The following HRH2 variants were observed in gnomAD, a reference collection of about 807,000 sequenced individuals.
The protein encoded by HRH2 is histamine H2 receptor.
Under a neutral mutation model 20.1 loss-of-function variants are expected in HRH2, and 4 were observed. That is an observed-to-expected ratio of 0.20 (90% CI 0.10 to 0.45). The LOEUF (loss-of-function observed/expected upper bound fraction) is 0.45. Ranked by LOEUF, HRH2 falls within the 20% of genes least tolerant of loss-of-function variation. The pLI is 0.99. For synonymous variants in HRH2, 197 were observed against 200.7 expected (o/e 0.98, Z 0.16); for missense variants, 250 against 461.6 (o/e 0.54, Z 4.20).
chr5:175,659,288 G>A (rs563632632), intron 1 of HRH2, among the ~76,000 whole-genome samples: 2 of 152,260 alleles, frequency 1.3e-5, no homozygotes, highest in African/African-American at 4.8e-5. Flanking sequence ...ATTTATAAAA[G>A]GAAGTTAATA....
At position 175,688,127 on chromosome 5, in the gene HRH2, C is replaced by T. The variant is rs1220411916; in HGVS notation, c.1076+3818C>T. ...TGCTCTGCTGTAGTCAGCTCTCTCCCTCTACCTCCTTGTTAGAAAGACACT... is the reference window on the plus strand; with the variant it reads ...TGCTCTGCTGTAGTCAGCTCTCTCCTTCTACCTCCTTGTTAGAAAGACACT... On this transcript the variant is annotated intron_variant, in intron 2 of 2. Coordinates refer to ENST00000636584, the MANE Select transcript of HRH2 (RefSeq NM_001367711.1). Among the ~76,000 whole-genome samples the T allele has an allele frequency of 2.6e-4, 39 of 152,242 alleles. 1 individual carries two copies. The highest frequency in any genetic ancestry group is 2.6e-3 in the Admixed American group (39 of 15,290).
In HRH2 at chr5:175,710,698, T is replaced by C. The variant is rs930828694; in HGVS notation, c.*2727T>C. 1.3e-5 allele frequency: 2 copies of C among 152,226 alleles called. No individual in the cohort carries two copies. The highest frequency in any genetic ancestry group is 4.8e-5 in the African/African-American group (2 of 41,460). The allele number at this position is 152,226 out of a possible 1,614,324, so 9.4% of individuals were successfully genotyped here. A position where few individuals can be genotyped will look rare whatever the true frequency, so the allele number is the denominator to read the frequency against. ...CTGCCTGGAGGAGGAACATCTGTGG[T>C]GGGACCCCAAATCCATGTTTGTGTT... On this transcript the variant is annotated 3_prime_UTR_variant, in exon 3 of 3. Transcript: ENST00000636584.
At chr5:175,671,270 G>A (rs923582655) in intron 1 of HRH2, among the ~76,000 whole-genome samples, 9 of 152,242 alleles carry the variant, frequency 5.9e-5, no homozygotes, top group Admixed American at 5.9e-4. Flanking sequence ...AGCAGAGGTT[G>A]CATAAGATAA....
intron 1 of HRH2, among the ~76,000 whole-genome samples, chr5:175,680,959 G>A (rs1287638845): frequency 6.6e-6 from 1 of 152,096 alleles, no homozygotes; most frequent in Non-Finnish European, 1.5e-5. Context: ...CGGGAGAGGA[G>A]AGAAGGAAAG....
At chr5:175,690,530 C>CCTGT (rs775981281) in intron 2 of HRH2, among the ~76,000 whole-genome samples, 1 of 150,844 alleles carries the variant, frequency 6.6e-6, no homozygotes, top group South Asian at 2.1e-4. Context: ...TTTTCTTGTT[C>CCTGT]CTGTCTGTCT....
At chr5:175,675,431 G>A (rs1380250015) in intron 1 of HRH2, among the ~76,000 whole-genome samples, 1 of 152,234 alleles carries the variant, frequency 6.6e-6, no homozygotes, top group Non-Finnish European at 1.5e-5. Context: ...TGAAGAGGTT[G>A]GCGGGGGCCA....
chr5:175,664,372 C>T (rs1245487979), intron 1 of HRH2, among the ~76,000 whole-genome samples: 1 of 152,172 alleles, frequency 6.6e-6, no homozygotes, highest in Admixed American at 6.5e-5. Context: ...ATGGATACAC[C>T]TGATAAGATT....
chr5:175,682,422 T>C (rs1756016388), intron 1 of HRH2, among the ~76,000 whole-genome samples: 1 of 152,206 alleles, frequency 6.6e-6, no homozygotes, highest in Admixed American at 6.5e-5. Context: ...CTTGTGGAGC[T>C]GAAAGTCTGT....
chr5:175,684,442 A>G (rs1756097108), intron 2 of HRH2, 133 bp downstream of exon 2: 1 of 1,296,748 alleles, frequency 7.7e-7, no homozygotes, highest in South Asian at 1.5e-5. Context: ...CACTTTGTAA[A>G]CACCCTCTTG....
chr5:175,662,584 C>T (rs548218707), intron 1 of HRH2, among the ~76,000 whole-genome samples: 1 of 152,176 alleles, frequency 6.6e-6, no homozygotes. Flanking sequence ...CTATTGGCCA[C>T]CTGGCCTCCC....
intron 2 of HRH2, among the ~76,000 whole-genome samples, chr5:175,688,251 G>A (rs551579774): frequency 3.2e-4 from 48 of 152,204 alleles, no homozygotes; most frequent in Non-Finnish European, 5.9e-4. Context: ...CTTTTGCCGC[G>A]TAAGGTAACG....
chr5:175,678,348 G>A (rs777318749), intron 1 of HRH2, among the ~76,000 whole-genome samples: 17 of 152,278 alleles, frequency 1.1e-4, no homozygotes, highest in African/African-American at 3.1e-4. Context: ...AACCTACCAC[G>A]TGCCGGGCAC....
intron 1 of HRH2, among the ~76,000 whole-genome samples, chr5:175,669,805 G>C (rs1755457971): frequency 6.6e-6 from 1 of 152,188 alleles, no homozygotes; most frequent in Admixed American, 6.5e-5. Flanking sequence ...GCTTCAAGAT[G>C]CCTTTGTCCC....
intron 1 of HRH2, among the ~76,000 whole-genome samples, chr5:175,675,778 A>C (rs1294072803): frequency 6.6e-6 from 1 of 152,082 alleles, no homozygotes; most frequent in African/African-American, 2.4e-5. Flanking sequence ...TTCTCCTTCC[A>C]TTCTCCACCT....
chr5:175,699,562 G>GTTTTTTTTTGTTT (rs147937231), intron 2 of HRH2, among the ~76,000 whole-genome samples: 1 of 151,904 alleles, frequency 6.6e-6, no homozygotes, highest in African/African-American at 2.4e-5. Flanking sequence ...TCTGCTGTCG[G>GTTTTTTTTTGTTT]TTGTTTTTGT....
intron 1 of HRH2, among the ~76,000 whole-genome samples, chr5:175,659,159 C>A (rs1339652585): frequency 2.0e-5 from 3 of 152,186 alleles, no homozygotes; most frequent in African/African-American, 7.2e-5. Flanking sequence ...CCAGAAGCTT[C>A]AGCCTCCACT....
rs546442715 is a variant in HRH2, at chr5:175,683,719, C to T, written c.486C>T (p.Asn162=). 1.3e-5 allele frequency: 21 copies of T among 1,614,190 alleles called. No individual in the cohort carries two copies. The highest frequency in any genetic ancestry group is 5.3e-5 in the African/African-American group (4 of 75,028). Reference sequence around the variant, plus strand: ...TCCACCTGGGGTGGAACAGCAGGAACGAGACCAGCAAGGGCAATCATACCA... The same window carrying T: ...TCCACCTGGGGTGGAACAGCAGGAATGAGACCAGCAAGGGCAATCATACCA... ...LSIHLGWNSR[N]ETSKGNHTTS... is the part of the protein sequence containing the mutation. Residue 162 remains asparagine, a synonymous_variant, in exon 2 of 3, where the codon AAC becomes AAT. Coordinates refer to ENST00000636584, the MANE Select transcript of HRH2 (RefSeq NM_001367711.1).
chr5:175,705,666 C>CT (rs771508609), intron 2 of HRH2, among the ~76,000 whole-genome samples: 241 of 142,230 alleles, frequency 1.7e-3, no homozygotes, highest in African/African-American at 2.3e-3. Context: ...CCAGAGTAGA[C>CT]TTTTTTTTTT....
At chr5:175,674,271 G>T (rs745571033) in intron 1 of HRH2, among the ~76,000 whole-genome samples, 2 of 152,174 alleles carry the variant, frequency 1.3e-5, no homozygotes, top group Non-Finnish European at 2.9e-5. Context: ...CTCTTTACTG[G>T]CTGTGTGGCC....
Sources: allele counts gnomAD v4.1 joint callset (sites outside exome capture counted in the v4.1 genomes callset), GRCh38; gene constraint gnomAD v4.1.1; transcripts MANE v1.5; gene names NCBI Gene and HGNC (gene_info 2026-07-23, HGNC 2026-07-21).